The following CASK variants were observed in gnomAD, a reference collection of about 807,000 sequenced individuals.
CASK encodes the protein peripheral plasma membrane protein CASK.
Under a neutral mutation model 82.9 loss-of-function variants are expected in CASK, and 4 were observed. The observed-to-expected ratio is 0.05, with a 90% CI of 0.02 to 0.11. The LOEUF is 0.11. Ranked by LOEUF, CASK falls within the 10% of genes least tolerant of loss-of-function variation. CASK has a pLI of 1.00. For missense variants in CASK, 358 were observed against 720.9 expected, an observed-to-expected ratio of 0.50 and a Z score of 5.76; for synonymous variants, 259 against 253.5, an observed-to-expected ratio of 1.02 and a Z score of -0.20.
intron 5 of CASK, chrX:41,729,049 T>C (rs893754698): frequency 8.1e-6 from 1 of 123,563 alleles, no homozygotes; most frequent in Admixed American, 9.4e-5. Flanking sequence ...TCAATATAAA[T>C]AATGTTATTA....
chrX:41,784,639 A>G (rs1197619866), intron 3 of CASK, among the ~76,000 whole-genome samples: 1 of 111,830 alleles, frequency 8.9e-6, no homozygotes, highest in African/African-American at 3.3e-5. Context: ...GCACTTTGGG[A>G]GGCCGAGGCG....
chrX:41,596,221 G>C lies in CASK; in HGVS notation c.1156-6629C>G, dbSNP rs187537409. Among the ~76,000 whole-genome samples, 78 of 109,765 alleles carry C rather than the reference G, an allele frequency of 7.1e-4. 2 individuals are homozygous for C. The highest frequency in any genetic ancestry group is 6.5e-3 in the Admixed American group (67 of 10,281). Reference sequence around the variant, plus strand: ...AAAAAAAAAAAAAAAAGAATATCAGGATCCTAATCCTATCCTGGCAAGATA... The same window carrying C: ...AAAAAAAAAAAAAAAAGAATATCAGCATCCTAATCCTATCCTGGCAAGATA... On this transcript the variant is annotated intron_variant, in intron 12 of 26. Transcript: ENST00000378163.
chrX:41,780,148 G>A (rs1569446113), intron 3 of CASK, among the ~76,000 whole-genome samples: 1 of 111,759 alleles, frequency 8.9e-6, no homozygotes, highest in Non-Finnish European at 1.9e-5. Flanking sequence ...CTTAACTCAA[G>A]TACCAGATAC....
At chrX:41,626,573 A>AATT (rs760157562) in intron 10 of CASK, 31 bp downstream of exon 10, 14 of 926,726 alleles carry the variant, frequency 1.5e-5, no homozygotes, top group Admixed American at 4.4e-5. Flanking sequence ...CAAATGACCC[A>AATT]CACAGGTGAA....
At chrX:41,858,861 A>C (rs2147984085) in intron 1 of CASK, among the ~76,000 whole-genome samples, 1 of 111,293 alleles carries the variant, frequency 9.0e-6, no homozygotes, top group East Asian at 2.8e-4. Context: ...TATAAAAGGC[A>C]GGATAGTGGT....
At chrX:41,771,306 T>A (rs1344170391) in intron 3 of CASK, among the ~76,000 whole-genome samples, 2 of 111,335 alleles carry the variant, frequency 1.8e-5, no homozygotes, top group Non-Finnish European at 3.8e-5. Flanking sequence ...ATATAAGAAA[T>A]AACTCTGAAA....
chrX:41,914,414 GAT>G (rs2072635430), intron 1 of CASK, among the ~76,000 whole-genome samples: 1 of 112,493 alleles, frequency 8.9e-6, no homozygotes, highest in Non-Finnish European at 1.9e-5. Context: ...CACGCACTTA[GAT>G]ACCAAAAAAC....
At chrX:41,621,122 T>TA (rs1294745037) in intron 11 of CASK, among the ~76,000 whole-genome samples, 104 of 99,940 alleles carry the variant, frequency 1.0e-3, no homozygotes, top group African/African-American at 1.6e-3. Flanking sequence ...TTGGCTGATT[T>TA]AAAAAAAAAA....
intron 1 of CASK, among the ~76,000 whole-genome samples, chrX:41,868,101 T>C (rs921440108): frequency 3.6e-5 from 4 of 112,204 alleles, no homozygotes; most frequent in Non-Finnish European, 7.5e-5. Flanking sequence ...GAGCACAAAT[T>C]TAAACCAGTA....
chrX:41,890,922 C>T (rs1453576217), intron 1 of CASK, among the ~76,000 whole-genome samples: 2 of 104,682 alleles, frequency 1.9e-5, no homozygotes, highest in African/African-American at 7.1e-5. Context: ...CAGTCTCAGT[C>T]TGTCACTCAG....
chrX:41,553,654 G>A, intron 21 of CASK, 65 bp downstream of exon 21: 2 of 852,303 alleles, frequency 2.3e-6, no homozygotes, highest in Non-Finnish European at 3.4e-6. Context: ...ATATAAAATT[G>A]GAAAATGGAT....
intron 5 of CASK, among the ~76,000 whole-genome samples, chrX:41,688,072 G>A (rs1368475802): frequency 1.9e-5 from 2 of 107,943 alleles, no homozygotes; most frequent in African/African-American, 3.4e-5. Context: ...GACTAATACA[G>A]CAACCACCTT....
intron 11 of CASK, among the ~76,000 whole-genome samples, chrX:41,619,542 C>G (rs1219341381): frequency 9.0e-6 from 1 of 111,644 alleles, no homozygotes; most frequent in African/African-American, 3.3e-5. Context: ...TCAAAAAAAG[C>G]ATAAATATGT....
intron 1 of CASK, among the ~76,000 whole-genome samples, chrX:41,862,819 T>A (rs896403007): frequency 9.9e-5 from 11 of 111,657 alleles, no homozygotes; most frequent in African/African-American, 3.6e-4. Flanking sequence ...AGATGGTGGT[T>A]GGGGTTGAGT....
Position 41,569,843 on chromosome X carries a change from C to T in CASK, c.1504-97G>A. 1.9e-6 allele frequency: 1 copy of T among 536,088 alleles called. No individual in the cohort carries two copies. The highest frequency in any genetic ancestry group is 3.1e-6 in the Non-Finnish European group (1 of 326,779). The allele number at this position is 536,088 out of a possible 1,213,427, so 44.2% of individuals were successfully genotyped here. ...TTTTGCGGTAGATAATTTTAATTAC[C>T]AGTTAAAAAAAATTAAAGAAAATAT... On this transcript the variant is annotated intron_variant, in intron 15 of 26. Transcript: ENST00000378163.
At chrX:41,538,641 T>C (rs1181282664) in intron 22 of CASK, among the ~76,000 whole-genome samples, 1 of 112,341 alleles carries the variant, frequency 8.9e-6, no homozygotes, top group Non-Finnish European at 1.9e-5. Context: ...TTTGCTCATA[T>C]TACCCTGATT....
At chrX:41,811,160 T>A (rs2070275893) in intron 2 of CASK, among the ~76,000 whole-genome samples, 1 of 111,369 alleles carries the variant, frequency 9.0e-6, no homozygotes. Context: ...ACTGTCAACA[T>A]TAGACAGATA....
intron 12 of CASK, among the ~76,000 whole-genome samples, chrX:41,605,879 A>C (rs1359170307): frequency 9.0e-6 from 1 of 110,617 alleles, no homozygotes; most frequent in Non-Finnish European, 1.9e-5. Flanking sequence ...GGGTTTTACC[A>C]TGTTGGCCAG....
At chrX:41,781,229 G>A (rs1395536185) in intron 3 of CASK, among the ~76,000 whole-genome samples, 1 of 112,683 alleles carries the variant, frequency 8.9e-6, no homozygotes, top group African/African-American at 3.2e-5. Context: ...AAGCCACTGA[G>A]CCCAGCCATC....
Sources: gnomAD v4.1 joint callset for allele counts (sites outside exome capture counted in the v4.1 genomes callset) on GRCh38, gnomAD v4.1.1 for gene constraint, MANE v1.5 for transcripts, NCBI Gene and HGNC (gene_info 2026-07-23, HGNC 2026-07-21) for gene names.